SCMH1: variants seen among roughly 807,000 people sequenced by gnomAD.
The protein encoded by SCMH1 is Scm polycomb group protein homolog 1.
In SCMH1, 37 loss-of-function variants were observed where a neutral mutation model predicts 70.8. The ratio of observed to expected loss-of-function variants is 0.52; its 90% confidence interval spans 0.40 to 0.69. The LOEUF (loss-of-function observed/expected upper bound fraction) is 0.69. Among genes scored for constraint, SCMH1 ranks in the 30% least tolerant of loss-of-function variants. SCMH1 has a pLI of 0.00. For synonymous variants in SCMH1, 292 were observed against 307.4 expected, an observed-to-expected ratio of 0.95 and a Z score of 0.52; for missense variants, 607 against 827.3, an observed-to-expected ratio of 0.73 and a Z score of 3.27.
intron 6 of SCMH1, among the ~76,000 whole-genome samples, chr1:41,140,032 A>AT (rs1643901087): frequency 6.6e-6 from 1 of 152,152 alleles, no homozygotes; most frequent in Non-Finnish European, 1.5e-5. Context: ...TATTAAGGGT[A>AT]TTTTTCTTAA....
At chr1:41,213,073 T>C (rs1398489627) in intron 1 of SCMH1, among the ~76,000 whole-genome samples, 1 of 152,150 alleles carries the variant, frequency 6.6e-6, no homozygotes, top group African/African-American at 2.4e-5. Flanking sequence ...TAGATCCAAA[T>C]AATAAATAAC....
chr1:41,219,266 T>C (rs571331652), intron 1 of SCMH1, among the ~76,000 whole-genome samples: 1 of 152,340 alleles, frequency 6.6e-6, no homozygotes, highest in South Asian at 2.1e-4. Context: ...CATCTGGCTG[T>C]CCCTGATTTA....
chr1:41,232,103 T>C (rs1661419984), intron 1 of SCMH1, among the ~76,000 whole-genome samples: 1 of 152,114 alleles, frequency 6.6e-6, no homozygotes, highest in South Asian at 2.1e-4. Flanking sequence ...ACTCAGGTTA[T>C]GGCTTTTGGG....
chr1:41,089,663 C>T (rs768573173), intron 8 of SCMH1, among the ~76,000 whole-genome samples: 1 of 152,084 alleles, frequency 6.6e-6, no homozygotes, highest in Non-Finnish European at 1.5e-5. Context: ...TCCCCTTTCA[C>T]TCAGAACTAA....
intron 3 of SCMH1, 92 bp downstream of exon 3, chr1:41,161,272 T>C (rs2148427153): frequency 2.0e-6 from 3 of 1,530,086 alleles, no homozygotes; most frequent in South Asian, 2.4e-5. Context: ...AATTGAGTTA[T>C]TTGTAAACTC....
At chr1:41,136,572 C>T (rs1361398653) in intron 6 of SCMH1, among the ~76,000 whole-genome samples, 4 of 151,684 alleles carry the variant, frequency 2.6e-5, no homozygotes, top group African/African-American at 9.7e-5. Context: ...CGGGGTTTTA[C>T]CATGTTGGCC....
chr1:41,101,813 T>C (rs1186795399), intron 8 of SCMH1, among the ~76,000 whole-genome samples: 1 of 152,208 alleles, frequency 6.6e-6, no homozygotes, highest in Non-Finnish European at 1.5e-5. Flanking sequence ...ATGGAGACAC[T>C]GGACTCACAG....
intron 12 of SCMH1, among the ~76,000 whole-genome samples, chr1:41,039,077 A>AT (rs1490358893): frequency 6.6e-6 from 1 of 152,208 alleles, no homozygotes; most frequent in East Asian, 1.9e-4. Flanking sequence ...GCTGTCTGTG[A>AT]TAGTACAAGA....
intron 2 of SCMH1, among the ~76,000 whole-genome samples, chr1:41,176,123 T>C (rs1293088036): frequency 6.8e-6 from 1 of 146,616 alleles, no homozygotes; most frequent in Non-Finnish European, 1.5e-5. Flanking sequence ...ACCAATGCAA[T>C]TTAGAAAAAT....
chr1:41,156,883 T>C (rs984161428), intron 4 of SCMH1, among the ~76,000 whole-genome samples: 5 of 151,782 alleles, frequency 3.3e-5, no homozygotes, highest in African/African-American at 1.2e-4. Context: ...CCAGGCTAGT[T>C]GCAAACTCCT....
At chr1:41,233,973 A>T (rs193232665) in intron 1 of SCMH1, among the ~76,000 whole-genome samples, 69 of 152,284 alleles carry the variant, frequency 4.5e-4, no homozygotes, top group Admixed American at 4.2e-3. Context: ...CTATAAAGGT[A>T]TGTGTTGTTA....
chr1:41,090,024 T>C (rs1012127889), intron 8 of SCMH1, among the ~76,000 whole-genome samples: 2 of 151,996 alleles, frequency 1.3e-5, no homozygotes, highest in South Asian at 2.1e-4. Flanking sequence ...GCTCCTGGCC[T>C]TAACTGATCC....
rs190897265 is a variant in SCMH1, at chr1:41,218,342, C to T, written c.-118+23717G>A. Among the ~76,000 whole-genome samples, 166 of 152,144 alleles carry T rather than the reference C, an allele frequency of 1.1e-3. 1 individual carries two copies. Among genetic ancestry groups the T allele is most frequent in the Admixed American group, 2.9e-3 (45 of 15,272 alleles). ...TGCAGATATAAACAAGTTAAGATGACGTCATTAGGGTAGGCCATGATCCAA... is the reference window on the plus strand; with the variant it reads ...TGCAGATATAAACAAGTTAAGATGATGTCATTAGGGTAGGCCATGATCCAA... On this transcript the variant is annotated intron_variant, in intron 1 of 14. Coordinates refer to ENST00000337495, the Ensembl canonical transcript of SCMH1.
At chr1:41,085,100 C>T (rs1325174798) in intron 8 of SCMH1, among the ~76,000 whole-genome samples, 2 of 150,988 alleles carry the variant, frequency 1.3e-5, no homozygotes, top group African/African-American at 4.9e-5. Flanking sequence ...ACATTGTGCA[C>T]ATGTACCCTA....
intron 5 of SCMH1, 82 bp from the exon 6 acceptor site, chr1:41,143,194 C>T (rs1026422524): frequency 5.8e-5 from 60 of 1,032,884 alleles, no homozygotes; most frequent in Non-Finnish European, 8.4e-5. Flanking sequence ...TTGGTTATAG[C>T]TGGGCCAGGG....
intron 1 of SCMH1, among the ~76,000 whole-genome samples, chr1:41,203,175 T>C (rs1654759836): frequency 6.6e-6 from 1 of 152,106 alleles, no homozygotes; most frequent in Non-Finnish European, 1.5e-5. Context: ...TTTACACTTA[T>C]AGCTTACCTC....
chr1:41,050,384 G>T (rs1647647046), intron 10 of SCMH1, among the ~76,000 whole-genome samples: 1 of 152,164 alleles, frequency 6.6e-6, no homozygotes, highest in South Asian at 2.1e-4. Context: ...AGCAGTAATT[G>T]TGTGGCCCGT....
intron 4 of SCMH1, among the ~76,000 whole-genome samples, chr1:41,157,878 T>G (rs11209597): frequency 0.012 from 1,884 of 152,366 alleles, 46 homozygotes; most frequent in African/African-American, 0.043. Flanking sequence ...AAGCTCTTTA[T>G]GGATGGGGGC....
At chr1:41,082,746 T>C (rs536259440) in intron 8 of SCMH1, among the ~76,000 whole-genome samples, 1 of 152,176 alleles carries the variant, frequency 6.6e-6, no homozygotes, top group African/African-American at 2.4e-5. Flanking sequence ...GCAAACCGAA[T>C]CCAGCAGCAC....
Sources: allele counts gnomAD v4.1 joint callset (sites outside exome capture counted in the v4.1 genomes callset), GRCh38; gene constraint gnomAD v4.1.1; transcripts MANE v1.5; gene names NCBI Gene and HGNC (gene_info 2026-07-23, HGNC 2026-07-21).